Variants in CHD7 observed in about 807,000 individuals in gnomAD.
CHD7 encodes chromodomain helicase DNA binding protein 7.
CHD7 carries 24 observed loss-of-function variants against 307.3 expected under a neutral mutation model. The observed-to-expected ratio is 0.08, with a 90% CI of 0.06 to 0.11. CHD7 has a LOEUF of 0.11. Ranked by LOEUF, CHD7 falls within the 10% of genes least tolerant of loss-of-function variation. The pLI is 1.00. For missense variants in CHD7, 3,106 were observed against 3,727.1 expected, an observed-to-expected ratio of 0.83 and a Z score of 4.34; for synonymous variants, 1,363 against 1,349.9, an observed-to-expected ratio of 1.01 and a Z score of -0.21.
chr8:60,833,723 A>C (rs918135414), intron 15 of CHD7, among the ~76,000 whole-genome samples: 2 of 152,236 alleles, frequency 1.3e-5, no homozygotes, highest in Admixed American at 1.3e-4. Context: ...TTTAGGACGG[A>C]ACCAACAAAG....
chr8:60,701,278 G>A (rs1160311884), intron 1 of CHD7, among the ~76,000 whole-genome samples: 2 of 152,172 alleles, frequency 1.3e-5, no homozygotes, highest in African/African-American at 2.4e-5. Context: ...AAGAGATCCC[G>A]GCTCAGATCA....
rs928497596 is a variant in CHD7 at position 60,808,149 on chromosome 8, A to G, written c.2443-68A>G. 2.7e-6 allele frequency: 3 copies of G among 1,093,618 alleles called. No individual in the cohort carries two copies. In the African/African-American group the frequency reaches 4.7e-5, roughly 17 times the overall value. The allele number at this position is 1,093,618 out of a possible 1,614,324, so 67.7% of individuals were successfully genotyped here. ...CCTATTTTGTGCTCATATGGGAGTAAATCATTACTTTTAAAATATTCTAGT... is the reference window on the plus strand; with the variant it reads ...CCTATTTTGTGCTCATATGGGAGTAGATCATTACTTTTAAAATATTCTAGT... On this transcript the variant is annotated intron_variant, in intron 6 of 37. Coordinates refer to ENST00000423902, the MANE Select transcript of CHD7 (RefSeq NM_017780.4).
chr8:60,712,406 G>T (rs544573660), intron 1 of CHD7, among the ~76,000 whole-genome samples: 2 of 152,272 alleles, frequency 1.3e-5, no homozygotes, highest in African/African-American at 4.8e-5. Context: ...AGGACTCTGA[G>T]ATGCTTCAGA....
intron 2 of CHD7, among the ~76,000 whole-genome samples, chr8:60,779,161 A>G (rs932373952): frequency 3.0e-4 from 46 of 152,248 alleles, no homozygotes; most frequent in African/African-American, 1.1e-3. Flanking sequence ...GAAATCACCT[A>G]TCAATCACCT....
chr8:60,810,380 A>AGAGAGAGT (rs534826288), intron 7 of CHD7, among the ~76,000 whole-genome samples: 1 of 145,980 alleles, frequency 6.9e-6, no homozygotes. Context: ...AGAGAGAGAG[A>AGAGAGAGT]GTGTGTGTGT....
chr8:60,852,324 G>A, intron 29 of CHD7, 77 bp downstream of exon 29: 1 of 1,400,446 alleles, frequency 7.1e-7, no homozygotes, highest in Admixed American at 2.1e-5. Context: ...ACAAGAGACA[G>A]GACTCATATC....
intron 2 of CHD7, among the ~76,000 whole-genome samples, chr8:60,771,756 G>C (rs935374815): frequency 2.1e-5 from 3 of 145,470 alleles, no homozygotes; most frequent in Non-Finnish European, 3.0e-5. Context: ...TGACTTGGGT[G>C]GGGGGCTTCA....
intron 6 of CHD7, among the ~76,000 whole-genome samples, chr8:60,803,550 T>A (rs1812408559): frequency 6.6e-6 from 1 of 152,138 alleles, no homozygotes; most frequent in South Asian, 2.1e-4. Context: ...ATTTGTTGAG[T>A]TGATGAATTT....
At chr8:60,782,492 A>G (rs894557884) in intron 3 of CHD7, among the ~76,000 whole-genome samples, 8 of 152,226 alleles carry the variant, frequency 5.3e-5, no homozygotes, top group African/African-American at 1.9e-4. Flanking sequence ...ACAACTCCAA[A>G]TACATTATTA....
At chr8:60,719,636 G>A (rs943433930) in intron 1 of CHD7, among the ~76,000 whole-genome samples, 3 of 152,148 alleles carry the variant, frequency 2.0e-5, no homozygotes, top group Admixed American at 2.0e-4. Flanking sequence ...AGTGTACAAA[G>A]CACATTCTGC....
At chr8:60,834,638 G>A (rs577506630) in intron 15 of CHD7, among the ~76,000 whole-genome samples, 1 of 152,120 alleles carries the variant, frequency 6.6e-6, no homozygotes, top group African/African-American at 2.4e-5. Context: ...CTTGGAAAAA[G>A]GAGTGAGGGC....
Position 60,826,403 on chromosome 8 carries a change from C to T in CHD7, c.3379-2260C>T, listed in dbSNP as rs1439638941. On this transcript the variant is annotated intron_variant, in intron 13 of 37. Transcript: ENST00000423902. ...TATGTTTGTCCAATTCTGAACAGCTCGTTGTCTGGTCTTTAAATCCTTACT... is the reference window on the plus strand; with the variant it reads ...TATGTTTGTCCAATTCTGAACAGCTTGTTGTCTGGTCTTTAAATCCTTACT... 2.0e-5 allele frequency among the ~76,000 whole-genome samples: 3 copies of T among 152,210 alleles called. No individual in the cohort carries two copies. The South Asian group carries it at 6.2e-4, about 31-fold the overall frequency.
At chr8:60,716,692 C>G (rs891189699) in intron 1 of CHD7, among the ~76,000 whole-genome samples, 2 of 152,220 alleles carry the variant, frequency 1.3e-5, no homozygotes, top group Admixed American at 6.5e-5. Flanking sequence ...TTGTTTGACT[C>G]TCTCCACAAA....
chr8:60,728,633 G>A (rs373796346), intron 1 of CHD7, among the ~76,000 whole-genome samples: 4 of 152,112 alleles, frequency 2.6e-5, no homozygotes, highest in East Asian at 1.9e-4. Flanking sequence ...TGATGTGCCC[G>A]CCTAGCTGGG....
In CHD7 at chr8:60,808,290, C is replaced by T. The variant is rs2150724035; in HGVS notation, c.2498+18C>T. Reference sequence around the variant, plus strand: ...AAAAACTTGTAAGTAAATTGTGATTCTGTTTTTAATGGGGGGCTATATTTT... The same window carrying T: ...AAAAACTTGTAAGTAAATTGTGATTTTGTTTTTAATGGGGGGCTATATTTT... On this transcript the variant is annotated intron_variant, in intron 7 of 37. Coordinates refer to ENST00000423902, the MANE Select transcript of CHD7 (RefSeq NM_017780.4). The T allele has an allele frequency of 6.9e-7, 1 of 1,441,940 alleles. No homozygotes were observed. The highest frequency in any genetic ancestry group is 9.6e-7 in the Non-Finnish European group (1 of 1,037,896). 89.3% of individuals were successfully genotyped at this position (1,441,940 alleles called of 1,614,324 possible).
intron 1 of CHD7, among the ~76,000 whole-genome samples, chr8:60,720,631 G>T (rs1239298306): frequency 6.6e-6 from 1 of 152,168 alleles, no homozygotes; most frequent in Non-Finnish European, 1.5e-5. Flanking sequence ...GTGAGCCTGT[G>T]CACCCTTCTC....
At chr8:60,699,896 C>G (rs112420832) in intron 1 of CHD7, among the ~76,000 whole-genome samples, 211 of 151,324 alleles carry the variant, frequency 1.4e-3, no homozygotes, top group African/African-American at 4.9e-3. Flanking sequence ...TGTGCAATGG[C>G]GTGATTTCAG....
intron 3 of CHD7, among the ~76,000 whole-genome samples, chr8:60,790,775 CT>C (rs1167307059): frequency 6.6e-6 from 1 of 152,118 alleles, no homozygotes; most frequent in Admixed American, 6.5e-5. Flanking sequence ...ACATATAGTG[CT>C]TTGATTTTAA....
At chr8:60,735,174 C>T (rs973706176) in intron 1 of CHD7, among the ~76,000 whole-genome samples, 1 of 152,156 alleles carries the variant, frequency 6.6e-6, no homozygotes, top group Non-Finnish European at 1.5e-5. Flanking sequence ...GTCTGTTAAC[C>T]TTGAATATTT....
Sources: gnomAD v4.1 joint callset for allele counts (sites outside exome capture counted in the v4.1 genomes callset) on GRCh38, gnomAD v4.1.1 for gene constraint, MANE v1.5 for transcripts, NCBI Gene and HGNC (gene_info 2026-07-23, HGNC 2026-07-21) for gene names.